Variants in CUL3 observed in about 807,000 individuals in gnomAD.
CUL3 encodes cullin 3.
A neutral mutation model predicts 89.1 loss-of-function variants in CUL3; 19 were observed. That is an observed-to-expected ratio of 0.21 (90% CI 0.15 to 0.31). The LOEUF (loss-of-function observed/expected upper bound fraction) is 0.31, where lower values mean the gene tolerates loss of function less well. CUL3 is among the 10% of genes least tolerant of loss of function. CUL3 has a pLI of 1.00. For missense variants in CUL3, 469 were observed against 942.3 expected (o/e 0.50, Z 6.58); for synonymous variants, 351 against 308.4 (o/e 1.14, Z -1.45).
intron 8 of CUL3, 58 bp downstream of exon 8, chr2:224,505,896 CAT>C: frequency 1.8e-6 from 2 of 1,127,202 alleles, no homozygotes; most frequent in Non-Finnish European, 1.2e-6. Flanking sequence ...CCTAATTTTA[CAT>C]ATAATTTTAT....
intron 2 of CUL3, among the ~76,000 whole-genome samples, chr2:224,539,846 A>G (rs1374211712): frequency 6.6e-6 from 1 of 152,048 alleles, no homozygotes; most frequent in East Asian, 1.9e-4. Flanking sequence ...ACAATACTAT[A>G]CTAGTGAATA....
chr2:224,482,159 T>C, intron 13 of CUL3, 81 bp from the exon 14 acceptor site: 1 of 1,080,244 alleles, frequency 9.3e-7, no homozygotes, highest in Non-Finnish European at 1.3e-6. Flanking sequence ...GACCAAGCAG[T>C]AGTTAAAAAG....
At chr2:224,580,529 C>T (rs1695409455) in intron 1 of CUL3, among the ~76,000 whole-genome samples, 1 of 152,108 alleles carries the variant, frequency 6.6e-6, no homozygotes, top group African/African-American at 2.4e-5. Flanking sequence ...ACTTAAAATA[C>T]AAAAATTAGC....
At chr2:224,479,312 C>T (rs1691443091) in intron 14 of CUL3, 2 of 151,374 alleles carry the variant, frequency 1.3e-5, no homozygotes, top group Admixed American at 1.3e-4. Context: ...AAAAATACTG[C>T]TTTCGGTGTC....
chr2:224,501,261 C>T (rs1399619862), intron 10 of CUL3, among the ~76,000 whole-genome samples: 1 of 152,194 alleles, frequency 6.6e-6, no homozygotes, highest in Non-Finnish European at 1.5e-5. Context: ...TACGTTTTAG[C>T]ATGTAGCTCA....
intron 1 of CUL3, among the ~76,000 whole-genome samples, chr2:224,562,118 TAAAACTATAAAA>T (rs1279580139): frequency 6.6e-6 from 1 of 152,212 alleles, no homozygotes; most frequent in Non-Finnish European, 1.5e-5. Flanking sequence ...TGAAGAATTT[TAAAACTATAAAA>T]CCAAGAGGCT....
chr2:224,560,878 A>T (rs980672655), intron 1 of CUL3, among the ~76,000 whole-genome samples: 5 of 152,058 alleles, frequency 3.3e-5, no homozygotes, highest in African/African-American at 4.8e-5. Context: ...TAATCTCTCA[A>T]CTTCATCCAT....
intron 1 of CUL3, among the ~76,000 whole-genome samples, chr2:224,577,419 A>C (rs76048604): frequency 1.3e-5 from 2 of 152,112 alleles, no homozygotes; most frequent in Non-Finnish European, 2.9e-5. Flanking sequence ...ATACAAAAAA[A>C]TTAGCCAGGC....
intron 1 of CUL3, chr2:224,562,819 T>A (rs1163686950): frequency 1.3e-5 from 2 of 155,064 alleles, no homozygotes; most frequent in Non-Finnish European, 2.8e-5. Context: ...ACTGATTATC[T>A]TGGTAAACAT....
At chr2:224,503,215 G>T in intron 9 of CUL3, 143 bp from the exon 10 acceptor site, 1 of 647,360 alleles carries the variant, frequency 1.5e-6, no homozygotes, top group Admixed American at 2.8e-5. Flanking sequence ...TGTGCCTGTG[G>T]TTATCAAACT....
At chr2:224,517,564 T>G (rs1456025406) in intron 3 of CUL3, among the ~76,000 whole-genome samples, 1 of 152,102 alleles carries the variant, frequency 6.6e-6, no homozygotes, top group Non-Finnish European at 1.5e-5. Context: ...TCCCAGCTAC[T>G]CGGGAGGCTG....
chr2:224,505,576 C>A (rs1250580737), intron 8 of CUL3, among the ~76,000 whole-genome samples: 1 of 152,130 alleles, frequency 6.6e-6, no homozygotes, highest in Non-Finnish European at 1.5e-5. Context: ...CAGGTGTATA[C>A]CACTGTGTGC....
intron 3 of CUL3, among the ~76,000 whole-genome samples, chr2:224,527,756 C>A (rs933938996): frequency 1.3e-5 from 2 of 152,150 alleles, no homozygotes; most frequent in Non-Finnish European, 2.9e-5. Context: ...ATCTCTAGGT[C>A]TGCTGATCCC....
chr2:224,519,995 G>A (rs984290428), intron 3 of CUL3, among the ~76,000 whole-genome samples: 3 of 151,580 alleles, frequency 2.0e-5, no homozygotes, highest in Non-Finnish European at 4.4e-5. Flanking sequence ...TGACCAAAAT[G>A]TAGTGACCAA....
intron 2 of CUL3, among the ~76,000 whole-genome samples, chr2:224,542,802 G>A (rs1559199915): frequency 6.6e-6 from 1 of 152,164 alleles, no homozygotes; most frequent in African/African-American, 2.4e-5. Context: ...TACTGGTAAA[G>A]AGAAACAAAA....
At chr2:224,497,521 T>C (rs1023914623) in intron 12 of CUL3, among the ~76,000 whole-genome samples, 13 of 152,156 alleles carry the variant, frequency 8.5e-5, no homozygotes, top group Admixed American at 7.9e-4. Flanking sequence ...ATTATCCTAA[T>C]GTTTAGTCCT....
Position 224,506,841 on chromosome 2 carries a change from C to T in CUL3, c.1029+17G>A, listed in dbSNP as rs749439858. On this transcript the variant is annotated intron_variant, in intron 7 of 15. Transcript: ENST00000264414. ...TGCCTTTATCATAAACACAGAGAAT[C>T]TTCTGGGTTTACTTACCTGGATATA... 6.2e-7 allele frequency: 1 copy of T among 1,609,374 alleles called. No individual in the cohort carries two copies. The highest frequency in any genetic ancestry group is 8.5e-7 in the Non-Finnish European group (1 of 1,178,042).
chr2:224,500,629 T>A, intron 10 of CUL3, 142 bp from the exon 11 acceptor site: 4 of 253,888 alleles, frequency 1.6e-5, no homozygotes, highest in East Asian at 2.2e-4. Context: ...TTTCTTTTCT[T>A]TTTTTTTTTT....
rs1692978824 is a variant in CUL3 at position 224,514,851 on chromosome 2, G to C, written c.379-79C>G. ...TTGTGTGCTACAATAACAAATAAAG[G>C]AAATAAAATTCCAAAAGCAATCATT... On this transcript the variant is annotated intron_variant, in intron 3 of 15. Coordinates refer to ENST00000264414, the MANE Select transcript of CUL3 (RefSeq NM_003590.5). 4 of 1,037,758 alleles carry C rather than the reference G, an allele frequency of 3.9e-6. No homozygotes were observed. The Admixed American group carries it at 1.0e-4, about 26-fold the overall frequency. 64.3% of individuals were successfully genotyped at this position (1,037,758 alleles called of 1,614,324 possible). A position where few individuals can be genotyped will look rare whatever the true frequency, so the allele number is the denominator to read the frequency against.
Sources: gnomAD v4.1 joint callset for allele counts (sites outside exome capture counted in the v4.1 genomes callset) on GRCh38, gnomAD v4.1.1 for gene constraint, MANE v1.5 for transcripts, NCBI Gene and HGNC (gene_info 2026-07-23, HGNC 2026-07-21) for gene names.